Variants in MEMO1 observed in about 807,000 individuals in gnomAD.
MEMO1 encodes the protein protein MEMO1.
In MEMO1, 6 loss-of-function variants were observed where a neutral mutation model predicts 45.2. The observed-to-expected ratio is 0.13, with a 90% CI of 0.07 to 0.26. MEMO1 has a LOEUF of 0.26. Among genes scored for constraint, MEMO1 ranks in the 10% least tolerant of loss-of-function variants. MEMO1 has a pLI of 1.00. For missense variants in MEMO1, 184 were observed against 370.5 expected (o/e 0.50, Z 4.13); for synonymous variants, 78 against 124.3 (o/e 0.63, Z 2.48).
chr2:31,988,505 C>T (rs980620839), intron 2 of MEMO1, among the ~76,000 whole-genome samples: 20 of 152,008 alleles, frequency 1.3e-4, no homozygotes, highest in African/African-American at 4.8e-4. Flanking sequence ...CAAGATGGGG[C>T]ACTGCACTCC....
At chr2:31,970,572 T>A (rs1669266912) in intron 2 of MEMO1, among the ~76,000 whole-genome samples, 1 of 152,024 alleles carries the variant, frequency 6.6e-6, no homozygotes, top group South Asian at 2.1e-4. Flanking sequence ...ATCTTTTTTT[T>A]AACCAAACTG....
At chr2:31,946,350 T>A (rs921819294) in intron 2 of MEMO1, among the ~76,000 whole-genome samples, 7 of 152,230 alleles carry the variant, frequency 4.6e-5, no homozygotes, top group South Asian at 2.1e-4. Context: ...AGGTCAAGTT[T>A]AAAATGGACA....
At chr2:31,999,464 AC>A (rs1673001303) in intron 2 of MEMO1, among the ~76,000 whole-genome samples, 1 of 152,044 alleles carries the variant, frequency 6.6e-6, no homozygotes, top group Non-Finnish European at 1.5e-5. Flanking sequence ...CAAGTTTAAG[AC>A]CAGCCTGAGC....
At chr2:31,958,155 T>A (rs1461802523) in intron 2 of MEMO1, among the ~76,000 whole-genome samples, 1 of 152,036 alleles carries the variant, frequency 6.6e-6, no homozygotes, top group Admixed American at 6.5e-5. Context: ...AGGGTTCTGA[T>A]ATTGATAAAT....
rs535011639 is a variant in MEMO1, at chr2:31,923,356, G to A, written c.213-2446C>T. Among the ~76,000 whole-genome samples the A allele has an allele frequency of 2.0e-5, 3 of 152,164 alleles. No individual in the cohort carries two copies. In the East Asian group the frequency reaches 5.8e-4, roughly 29 times the overall value. On this transcript the variant is annotated intron_variant, in intron 4 of 9. Transcript: ENST00000404530. ...TAATTTAAGTTCCTTATAGACGACA[G>A]AATCTTTCTACCTCTCTTCCTTCAA...
chr2:31,990,555 C>T (rs891620045), intron 2 of MEMO1, among the ~76,000 whole-genome samples: 3 of 148,946 alleles, frequency 2.0e-5, no homozygotes, highest in African/African-American at 7.4e-5. Context: ...AGGCTCAAGC[C>T]ATCTAAATTT....
intron 2 of MEMO1, among the ~76,000 whole-genome samples, chr2:32,009,755 T>C (rs1674582846): frequency 6.6e-6 from 1 of 152,030 alleles, no homozygotes; most frequent in Non-Finnish European, 1.5e-5. Flanking sequence ...GTCGCTGCCC[T>C]GCGGCGTGGA....
chr2:31,980,976 G>T (rs184054773), intron 2 of MEMO1, among the ~76,000 whole-genome samples: 3 of 152,284 alleles, frequency 2.0e-5, no homozygotes, highest in African/African-American at 7.2e-5. Context: ...GTGGTGACTA[G>T]ATAAACTAAT....
chr2:31,924,771 G>A (rs1682839649), intron 4 of MEMO1, among the ~76,000 whole-genome samples: 1 of 152,094 alleles, frequency 6.6e-6, no homozygotes, highest in African/African-American at 2.4e-5. Flanking sequence ...TGCAAGGCTT[G>A]CTGAAAAATA....
At chr2:31,933,448 G>A (rs1664546507) in intron 3 of MEMO1, among the ~76,000 whole-genome samples, 1 of 139,554 alleles carries the variant, frequency 7.2e-6, no homozygotes, top group Non-Finnish European at 1.5e-5. Context: ...GCGAACACAA[G>A]GAAACTTTTG....
At chr2:31,986,421 G>A (rs1004106066) in intron 2 of MEMO1, among the ~76,000 whole-genome samples, 17 of 152,050 alleles carry the variant, frequency 1.1e-4, no homozygotes, top group Admixed American at 6.6e-5. Flanking sequence ...GCAGTGAGCC[G>A]AGGTTGCGCC....
At chr2:31,999,936 C>A (rs1295532848) in intron 2 of MEMO1, among the ~76,000 whole-genome samples, 1 of 145,864 alleles carries the variant, frequency 6.9e-6, no homozygotes, top group African/African-American at 2.6e-5. Flanking sequence ...CAGGCTGGAG[C>A]GTAGTGGTGA....
intron 6 of MEMO1, among the ~76,000 whole-genome samples, chr2:31,916,324 G>T (rs1002732736): frequency 1.3e-5 from 2 of 152,036 alleles, no homozygotes; most frequent in Admixed American, 1.3e-4. Context: ...AACCACCCAG[G>T]CTCAAGCAAT....
At chr2:31,950,592 G>A (rs933040164) in intron 2 of MEMO1, among the ~76,000 whole-genome samples, 1 of 150,998 alleles carries the variant, frequency 6.6e-6, no homozygotes, top group Non-Finnish European at 1.5e-5. Flanking sequence ...GCATGGTGGC[G>A]CACACCTGTA....
chr2:32,008,326 C>T (rs1351412747), intron 2 of MEMO1, among the ~76,000 whole-genome samples: 1 of 152,206 alleles, frequency 6.6e-6, no homozygotes, highest in Non-Finnish European at 1.5e-5. Context: ...TGGCTCACGC[C>T]GGTAATCCCA....
At chr2:31,907,319 A>T (rs1679899327) in intron 6 of MEMO1, among the ~76,000 whole-genome samples, 1 of 152,146 alleles carries the variant, frequency 6.6e-6, no homozygotes, top group South Asian at 2.1e-4. Flanking sequence ...CTCTTCTACA[A>T]GGCTACAAGA....
chr2:31,934,638 G>T (rs1297488188), intron 3 of MEMO1, among the ~76,000 whole-genome samples: 1 of 152,106 alleles, frequency 6.6e-6, no homozygotes. Flanking sequence ...TACAAGACAG[G>T]CCTGAGTAGA....
intron 2 of MEMO1, among the ~76,000 whole-genome samples, chr2:31,945,749 T>G (rs188300508): frequency 1.3e-5 from 2 of 152,128 alleles, no homozygotes; most frequent in African/African-American, 4.8e-5. Context: ...GGCCATCTAG[T>G]TCCAAGTTGT....
chr2:31,946,815 C>T (rs1439381325), intron 2 of MEMO1, among the ~76,000 whole-genome samples: 2 of 152,094 alleles, frequency 1.3e-5, no homozygotes, highest in African/African-American at 4.8e-5. Context: ...GAGATCACGC[C>T]CCTGAAGAGA....
Sources: allele counts gnomAD v4.1 joint callset (sites outside exome capture counted in the v4.1 genomes callset), GRCh38; gene constraint gnomAD v4.1.1; transcripts MANE v1.5; gene names NCBI Gene and HGNC (gene_info 2026-07-23, HGNC 2026-07-21).